VPS26C: variants seen among roughly 807,000 people sequenced by gnomAD.
VPS26C encodes the protein VPS26 endosomal protein sorting factor C.
A neutral mutation model predicts 30.6 loss-of-function variants in VPS26C; 19 were observed. That is an observed-to-expected ratio of 0.62 (90% confidence interval 0.43 to 0.91). VPS26C has a LOEUF of 0.91. VPS26C is among the 40% of genes least tolerant of loss of function. VPS26C has a pLI of 0.00. For synonymous variants in VPS26C, 132 were observed against 151.5 expected (o/e 0.87, Z 0.95); for missense variants, 318 against 385.1 (o/e 0.83, Z 1.46).
Position 37,224,536 on chromosome 21 carries a change from T to C in VPS26C, c.*1008A>G, listed in dbSNP as rs2085879377. On this transcript the variant is annotated 3_prime_UTR_variant, in exon 8 of 8. Transcript: ENST00000309117. ...CAGTTTGGAAAACTGTCTCTCTCTA[T>C]GTATGTATCTGTTCAGGGAAATGGC... 2.0e-5 allele frequency: 3 copies of C among 152,292 alleles called. No individual in the cohort carries two copies. In the South Asian group the frequency reaches 6.2e-4, roughly 32 times the overall value. 9.4% of individuals were successfully genotyped at this position (152,292 alleles called of 1,614,324 possible). A position where few individuals can be genotyped will look rare whatever the true frequency, so the allele number is the denominator to read the frequency against.
chr21:37,238,887 T>C (rs1279821153), intron 2 of VPS26C, among the ~76,000 whole-genome samples: 2 of 152,216 alleles, frequency 1.3e-5, no homozygotes, highest in Non-Finnish European at 2.9e-5. Flanking sequence ...AGGTATCTCA[T>C]TTAACTGTTT....
At chr21:37,242,801 C>T (rs939149417) in intron 1 of VPS26C, among the ~76,000 whole-genome samples, 13 of 152,146 alleles carry the variant, frequency 8.5e-5, no homozygotes, top group African/African-American at 3.1e-4. Context: ...CATATTCTAA[C>T]TATGACATCA....
intron 3 of VPS26C, 143 bp downstream of exon 3, chr21:37,238,317 T>C: frequency 1.1e-6 from 1 of 917,830 alleles, no homozygotes. Flanking sequence ...AATGAGAAAT[T>C]AACGTCGAAT....
intron 6 of VPS26C, among the ~76,000 whole-genome samples, 189 bp from the exon 7 acceptor site, chr21:37,227,995 T>G (rs1354596109): frequency 1.3e-5 from 2 of 152,206 alleles, no homozygotes; most frequent in African/African-American, 4.8e-5. Context: ...GTCCTCTCGT[T>G]TTTTAGAGTC....
At chr21:37,235,873 A>ATT (rs2086017263) in intron 3 of VPS26C, among the ~76,000 whole-genome samples, 1 of 15,068 alleles carries the variant, frequency 6.6e-5, no homozygotes, top group African/African-American at 3.0e-4. Context: ...ATATATATAT[A>ATT]TATATATTTT....
intron 2 of VPS26C, among the ~76,000 whole-genome samples, chr21:37,240,159 G>A (rs1459849244): frequency 6.6e-6 from 1 of 152,048 alleles, no homozygotes; most frequent in African/African-American, 2.4e-5. Flanking sequence ...ATCTTGCTCT[G>A]TTGCTGAGGC....
At chr21:37,254,671 C>A (rs2086224696) in intron 1 of VPS26C, among the ~76,000 whole-genome samples, 1 of 151,878 alleles carries the variant, frequency 6.6e-6, no homozygotes, top group Non-Finnish European at 1.5e-5. Flanking sequence ...AATAGCCAGG[C>A]ATGGTGGCGG....
At chr21:37,225,701 T>G in intron 7 of VPS26C, 75 bp from the exon 8 acceptor site, 1 of 1,286,930 alleles carries the variant, frequency 7.8e-7, no homozygotes, top group Non-Finnish European at 1.1e-6. Context: ...ACCACTGCAG[T>G]CGCAGGAAGC....
intron 1 of VPS26C, among the ~76,000 whole-genome samples, chr21:37,263,871 T>C (rs1388409448): frequency 6.6e-6 from 1 of 152,154 alleles, no homozygotes; most frequent in Admixed American, 6.5e-5. Context: ...TGCTATCAGC[T>C]CCATTGCAGC....
rs142397493 is a variant in VPS26C at position 37,240,623 on chromosome 21, A to G, written c.74T>C (p.Val25Ala). The G allele has an allele frequency of 1.5e-5, 24 of 1,613,780 alleles. No individual in the cohort carries two copies. Among genetic ancestry groups the G allele is most frequent in the Non-Finnish European group, 1.9e-5 (23 of 1,179,934 alleles). Residue 25 changes from valine to alanine, a missense_variant, in exon 2 of 8, where the codon GTG (valine) becomes GCG (alanine). By Grantham distance (64) the Val-to-Ala change is moderately conservative. Transcript: ENST00000309117. Reference protein sequence around the residue: ...VYHAGEVLSGVVVISSKDSVQ... With the variant: ...VYHAGEVLSGAVVISSKDSVQ... ...TGAATCCTTACTCGATATGACCACC[A>G]CGCCAGAGAGCACTTCCTGGGAGAG...
At position 37,227,731 on chromosome 21, in the gene VPS26C, C is replaced by A; in HGVS notation, c.734G>T (p.Gly245Val). ...GACCATGTAGATGGGGACAGAGAGGCCCCTGCACACATCCCCGTCGGCGAT... is the reference window on the plus strand; with the variant it reads ...GACCATGTAGATGGGGACAGAGAGGACCCTGCACACATCCCCGTCGGCGAT... ...IQIADGDVCR[G>V]LSVPIYMVFP... The change falls in exon 7 of 8, where the codon GGC becomes GTC. Residue 245 changes from glycine (G) to valine (V), a missense_variant. Physicochemically the swap from Gly to Val is moderately radical, Grantham distance 109 (BLOSUM62 -3). Transcript: ENST00000309117. The A allele has an allele frequency of 6.2e-7, 1 of 1,614,204 alleles. No individual in the cohort carries two copies. Among genetic ancestry groups the A allele is most frequent in the Non-Finnish European group, 8.5e-7 (1 of 1,180,036 alleles).
At chr21:37,240,753 C>T in intron 1 of VPS26C, 114 bp from the exon 2 acceptor site, 1 of 1,360,412 alleles carries the variant, frequency 7.4e-7, no homozygotes. Flanking sequence ...TCCAGACATT[C>T]ACTGAGACAC....
chr21:37,225,717 C>A (rs573076224), intron 7 of VPS26C, 91 bp from the exon 8 acceptor site: 4 of 1,119,634 alleles, frequency 3.6e-6, no homozygotes, highest in East Asian at 4.9e-5. Flanking sequence ...GAAGCTCTAA[C>A]GGCGAAGGAG....
intron 5 of VPS26C, among the ~76,000 whole-genome samples, chr21:37,231,018 A>G (rs2085956703): frequency 6.6e-6 from 1 of 152,220 alleles, no homozygotes; most frequent in South Asian, 2.1e-4. Context: ...AGCTGCCTAC[A>G]AACACCCCGG....
Position 37,233,217 on chromosome 21 carries a change from T to A in VPS26C, c.432+145A>T, listed in dbSNP as rs73220515. 44 of 689,718 alleles carry A rather than the reference T, an allele frequency of 6.4e-5. No homozygotes were observed. The highest frequency in any genetic ancestry group is 1.9e-4 in the Admixed American group (8 of 41,960). The allele number at this position is 689,718 out of a possible 1,614,324, so 42.7% of individuals were successfully genotyped here. On this transcript the variant is annotated intron_variant, in intron 4 of 7. Coordinates refer to ENST00000309117, the MANE Select transcript of VPS26C (RefSeq NM_006052.2). This position sits in a 1 kb window ranked among gnomAD's most constrained non-coding sequence, Gnocchi z 5.2. ...CACACGTGATGCGCATGCCACCGAC[T>A]GTCTCTGACCCAGAAGTCTTGTGTC...
intron 1 of VPS26C, among the ~76,000 whole-genome samples, chr21:37,265,236 T>TA (rs1333802896): frequency 6.6e-6 from 1 of 152,234 alleles, no homozygotes; most frequent in African/African-American, 2.4e-5. Context: ...GCAAATACAC[T>TA]AAAAAACTAC....
chr21:37,243,631 C>T (rs937817935), intron 1 of VPS26C, among the ~76,000 whole-genome samples: 5 of 152,168 alleles, frequency 3.3e-5, no homozygotes, highest in African/African-American at 1.2e-4. Context: ...ACGGCAGTCC[C>T]GTCCTCCCCT....
At chr21:37,256,131 C>T (rs1041841298) in intron 1 of VPS26C, among the ~76,000 whole-genome samples, 2 of 152,192 alleles carry the variant, frequency 1.3e-5, no homozygotes, top group Admixed American at 6.5e-5. Flanking sequence ...CCACCGTGCC[C>T]GGCCCTAGGC....
chr21:37,254,931 G>A (rs76197602), intron 1 of VPS26C, among the ~76,000 whole-genome samples: 2,086 of 152,236 alleles, frequency 0.014, 51 homozygotes, highest in African/African-American at 0.046. Flanking sequence ...GGTAGGCTCT[G>A]GGGACAGATC....
Sources: gnomAD v4.1 joint callset for allele counts (sites outside exome capture counted in the v4.1 genomes callset) on GRCh38, gnomAD v4.1.1 for gene constraint, Gnocchi (gnomAD v3.1) non-coding constraint, MANE v1.5 for transcripts, NCBI Gene and HGNC (gene_info 2026-07-23, HGNC 2026-07-21) for gene names.